HPSE2: variants seen among roughly 807,000 people sequenced by gnomAD.
The protein encoded by HPSE2 is heparanase 2 (inactive).
In HPSE2, 38 loss-of-function variants were observed where a neutral mutation model predicts 60.5. The ratio of observed to expected loss-of-function variants is 0.63; its 90% CI spans 0.48 to 0.82. HPSE2 has a LOEUF of 0.82. HPSE2 is among the 40% of genes least tolerant of loss of function. HPSE2 has a pLI of 0.00. For missense variants in HPSE2, 713 were observed against 740.4 expected, an observed-to-expected ratio of 0.96 and a Z score of 0.43; for synonymous variants, 295 against 293.2, an observed-to-expected ratio of 1.01 and a Z score of -0.06.
At chr10:98,571,940 C>CTTTCTTTTTTTTTTTT (rs560289933) in intron 9 of HPSE2, among the ~76,000 whole-genome samples, 3 of 140,726 alleles carry the variant, frequency 2.1e-5, no homozygotes, top group Non-Finnish European at 3.1e-5. Context: ...AATTCCTTTT[C>CTTTCTTTTTTTTTTTT]TTTTTTTTTT....
chr10:99,264,482 T>TA, the HPSE2 span, among the ~76,000 whole-genome samples: 62 of 151,582 alleles, frequency 4.1e-4, 1 homozygote, highest in South Asian at 4.4e-3. Flanking sequence ...TACTCACTGC[T>TA]AAAAAAAAGG....
chr10:98,929,130 C>T lies in HPSE2; in HGVS notation c.611-185074G>A, dbSNP rs562735568. ...TCTACCACAAACCCATACCTTCTTTCCTATTAATACTCATGGTATATGATG... is the reference window on the plus strand; with the variant it reads ...TCTACCACAAACCCATACCTTCTTTTCTATTAATACTCATGGTATATGATG... On this transcript the variant is annotated intron_variant, in intron 3 of 11. Transcript: ENST00000370552. Among the ~76,000 whole-genome samples, 154 of 143,744 alleles carry T rather than the reference C, an allele frequency of 1.1e-3. 30 individuals carry two copies. The highest frequency in any genetic ancestry group is 4.1e-3 in the African/African-American group (147 of 35,428). The allele number at this position is 143,744 out of a possible 152,430, so 94.3% of individuals were successfully genotyped here. A position where few individuals can be genotyped will look rare whatever the true frequency, so the allele number is the denominator to read the frequency against.
chr10:98,482,392 G>A (rs1941271497), intron 11 of HPSE2, among the ~76,000 whole-genome samples: 1 of 152,182 alleles, frequency 6.6e-6, no homozygotes, highest in Admixed American at 6.5e-5. Flanking sequence ...CAAATACCAA[G>A]AGTATCCTTG....
At chr10:99,238,695 TTTTTGTCTTGCCTC>T (rs1342908445), upstream of HPSE2, among the ~76,000 whole-genome samples, 1 of 152,210 alleles carries the variant, frequency 6.6e-6, no homozygotes, top group African/African-American at 2.4e-5. Flanking sequence ...CATATCATGG[TTTTTGTCTTGCCTC>T]TTATCTATTA....
chr10:98,527,298 C>A (rs1460379956), intron 9 of HPSE2, among the ~76,000 whole-genome samples: 1 of 152,166 alleles, frequency 6.6e-6, no homozygotes, highest in Non-Finnish European at 1.5e-5. Flanking sequence ...TGTAAAGTTT[C>A]TTTATTGGCT....
chr10:98,602,002 G>T (rs1202272715), intron 9 of HPSE2, among the ~76,000 whole-genome samples: 1 of 152,146 alleles, frequency 6.6e-6, no homozygotes, highest in African/African-American at 2.4e-5. Flanking sequence ...ACAGTGACAT[G>T]ACTTTCTGAA....
chr10:98,609,154 C>A (rs866433810), intron 9 of HPSE2, among the ~76,000 whole-genome samples: 2 of 152,136 alleles, frequency 1.3e-5, no homozygotes, highest in Non-Finnish European at 2.9e-5. Flanking sequence ...TCCAGAAAGC[C>A]TTCCTTGATG....
chr10:98,597,046 C>A (rs1945258157), intron 9 of HPSE2, among the ~76,000 whole-genome samples: 2 of 151,946 alleles, frequency 1.3e-5, no homozygotes, highest in African/African-American at 4.8e-5. Context: ...AAGTGCCAAG[C>A]AAAAGGGGGG....
intron 3 of HPSE2, among the ~76,000 whole-genome samples, chr10:98,816,871 T>C (rs1951302913): frequency 6.6e-6 from 1 of 152,172 alleles, no homozygotes; most frequent in Non-Finnish European, 1.5e-5. Context: ...TCAATCTTTT[T>C]TTTTATTTTT....
At chr10:99,203,944 C>G (rs1056847217) in intron 2 of HPSE2, among the ~76,000 whole-genome samples, 17 of 152,220 alleles carry the variant, frequency 1.1e-4, no homozygotes, top group African/African-American at 4.1e-4. Flanking sequence ...GGCCAAGGTT[C>G]CAGGACCACC....
intron 3 of HPSE2, among the ~76,000 whole-genome samples, chr10:98,874,172 GT>G (rs59429630): frequency 0.15 from 21,899 of 144,624 alleles, 2,283 homozygotes; most frequent in African/African-American, 0.29. Flanking sequence ...TCACTCTGAT[GT>G]TTTTTTTTTT....
At chr10:99,168,087 TACACACACACACACAC>T (rs56393224) in intron 2 of HPSE2, among the ~76,000 whole-genome samples, 2 of 144,622 alleles carry the variant, frequency 1.4e-5, no homozygotes, top group Non-Finnish European at 3.0e-5. Flanking sequence ...TCAGCCTATT[TACACACACACACACAC>T]ACACACACAC....
the HPSE2 span, among the ~76,000 whole-genome samples, chr10:99,290,811 C>T: frequency 6.6e-6 from 1 of 152,122 alleles, no homozygotes; most frequent in Non-Finnish European, 1.5e-5. Context: ...ATTCTATGAC[C>T]TTAGGTGACC....
At chr10:99,153,745 G>A (rs1163089953) in intron 2 of HPSE2, among the ~76,000 whole-genome samples, 1 of 152,368 alleles carries the variant, frequency 6.6e-6, no homozygotes, top group Non-Finnish European at 1.5e-5. Flanking sequence ...GAACAAAGCT[G>A]GACGGAGAAT....
At chr10:98,865,109 C>G (rs946193599) in intron 3 of HPSE2, among the ~76,000 whole-genome samples, 3 of 151,898 alleles carry the variant, frequency 2.0e-5, no homozygotes, top group Admixed American at 2.0e-4. Flanking sequence ...CAATTGAAAC[C>G]CAATAATCAT....
intron 5 of HPSE2, among the ~76,000 whole-genome samples, chr10:98,719,579 G>C (rs925040396): frequency 1.3e-5 from 2 of 151,390 alleles, no homozygotes; most frequent in African/African-American, 4.9e-5. Flanking sequence ...GATGTAATTA[G>C]AGGGCAAGGG....
intron 9 of HPSE2, among the ~76,000 whole-genome samples, chr10:98,527,291 A>G (rs913263873): frequency 6.6e-6 from 1 of 152,104 alleles, no homozygotes; most frequent in Admixed American, 6.5e-5. Context: ...AGTTCCTTGT[A>G]AAGTTTCTTT....
At chr10:99,153,729 G>T (rs941175811) in intron 2 of HPSE2, among the ~76,000 whole-genome samples, 1 of 152,218 alleles carries the variant, frequency 6.6e-6, no homozygotes, top group Non-Finnish European at 1.5e-5. Context: ...TTCCTCACCA[G>T]CAACAGAACA....
chr10:99,225,418 C>T (rs962626402), intron 2 of HPSE2, among the ~76,000 whole-genome samples: 12 of 152,012 alleles, frequency 7.9e-5, no homozygotes, highest in Non-Finnish European at 1.6e-4. Flanking sequence ...TAGATGCCTA[C>T]TCAATGAGTA....
Sources: gnomAD v4.1 joint callset for allele counts (sites outside exome capture counted in the v4.1 genomes callset) on GRCh38, gnomAD v4.1.1 for gene constraint, MANE v1.5 for transcripts, NCBI Gene and HGNC (gene_info 2026-07-23, HGNC 2026-07-21) for gene names.